The following GRM7 variants were observed in gnomAD, a reference collection of about 807,000 sequenced individuals.
GRM7 encodes glutamate metabotropic receptor 7.
In GRM7, 35 loss-of-function variants were observed where a neutral mutation model predicts 84.5. That is an observed-to-expected ratio of 0.41 (90% CI 0.32 to 0.55). GRM7 has a LOEUF of 0.55. Among genes scored for constraint, GRM7 ranks in the 20% least tolerant of loss-of-function variants. GRM7 has a pLI of 0.19. For missense variants in GRM7, 1,003 were observed against 1,194.6 expected, an observed-to-expected ratio of 0.84 and a Z score of 2.36; for synonymous variants, 487 against 455.1, an observed-to-expected ratio of 1.07 and a Z score of -0.89.
intron 1 of GRM7, among the ~76,000 whole-genome samples, chr3:7,000,434 G>A (rs1227747056): frequency 1.3e-5 from 2 of 152,084 alleles, no homozygotes; most frequent in African/African-American, 4.8e-5. Context: ...TGATCCACCT[G>A]CCTTGACCTT....
intron 7 of GRM7, among the ~76,000 whole-genome samples, chr3:7,517,310 TTGTA>T (rs1700427345): frequency 6.6e-6 from 1 of 152,170 alleles, no homozygotes; most frequent in South Asian, 2.1e-4. Flanking sequence ...CAGAAAATGT[TTGTA>T]TAAATAAACA....
chr3:6,996,522 A>G, intron 1 of GRM7, among the ~76,000 whole-genome samples: 1 of 152,164 alleles, frequency 6.6e-6, no homozygotes, highest in East Asian at 1.9e-4. Flanking sequence ...GGACAATGTC[A>G]TACTATTGGG....
intron 2 of GRM7, among the ~76,000 whole-genome samples, chr3:7,147,235 AC>A (rs1694139117): frequency 6.6e-6 from 1 of 152,204 alleles, no homozygotes; most frequent in South Asian, 2.1e-4. Context: ...GGATTCTCTT[AC>A]GTTTGTTTAT....
intron 2 of GRM7, among the ~76,000 whole-genome samples, chr3:7,293,907 T>G (rs1699725033): frequency 6.6e-6 from 1 of 152,228 alleles, no homozygotes; most frequent in Non-Finnish European, 1.5e-5. Context: ...TGGATTGTCT[T>G]TCCAGCAGGT....
At chr3:7,497,037 C>A (rs1161335619) in intron 7 of GRM7, among the ~76,000 whole-genome samples, 1 of 137,658 alleles carries the variant, frequency 7.3e-6, no homozygotes, top group African/African-American at 2.5e-5. Flanking sequence ...AATAGGAATT[C>A]TGGCCCTTGC....
chr3:6,890,871 G>A, intron 1 of GRM7, among the ~76,000 whole-genome samples: 2 of 152,028 alleles, frequency 1.3e-5, no homozygotes, highest in East Asian at 1.9e-4. Context: ...GAGTCTAAGT[G>A]TCTTTGTAGG....
intron 7 of GRM7, among the ~76,000 whole-genome samples, chr3:7,560,518 C>G (rs374184077): frequency 3.3e-5 from 5 of 151,938 alleles, no homozygotes; most frequent in African/African-American, 1.2e-4. Context: ...AAGTTTGTTC[C>G]CCAGACCAAC....
At chr3:7,170,651 T>C in intron 2 of GRM7, among the ~76,000 whole-genome samples, 1 of 152,102 alleles carries the variant, frequency 6.6e-6, no homozygotes, top group Non-Finnish European at 1.5e-5. Flanking sequence ...TCCTCACACA[T>C]AGAGAGATTA....
intron 1 of GRM7, among the ~76,000 whole-genome samples, chr3:6,946,360 A>G (rs1051147131): frequency 6.6e-6 from 1 of 152,196 alleles, no homozygotes; most frequent in African/African-American, 2.4e-5. Context: ...GTCAAAGATC[A>G]GATAGTTGTA....
chr3:7,169,041 G>A (rs1400163), intron 2 of GRM7, among the ~76,000 whole-genome samples: 66,953 of 151,924 alleles, frequency 0.44, 15,491 homozygotes, highest in East Asian at 0.68. Flanking sequence ...TTCATAAACC[G>A]TAAAGTCAAA....
chr3:7,031,150 TATAACTC>T (rs1696169043), intron 1 of GRM7, among the ~76,000 whole-genome samples: 1 of 152,160 alleles, frequency 6.6e-6, no homozygotes, highest in Non-Finnish European at 1.5e-5. Flanking sequence ...ATTTGCCAAT[TATAACTC>T]AGGATAAAAT....
chr3:7,692,413 T>G (rs162781), intron 9 of GRM7, among the ~76,000 whole-genome samples: 79,747 of 151,898 alleles, frequency 0.53, 22,276 homozygotes, highest in Non-Finnish European at 0.65. Context: ...CTTCAGAAGC[T>G]GGGATCCTAC....
chr3:7,036,365 G>T (rs1482762221), intron 1 of GRM7, among the ~76,000 whole-genome samples: 3 of 152,142 alleles, frequency 2.0e-5, no homozygotes, highest in African/African-American at 7.2e-5. Context: ...CTGGCTTTGT[G>T]GGGTGTGGGG....
In GRM7 at chr3:7,135,941, A is replaced by T. The variant is rs529807049; in HGVS notation, c.520-10511A>T. The stretch of plus-strand genomic sequence containing the variant: ...TTAATGTTTTCTAGAAGACATCTGT[A>T]CTTGAGTCTTCAGTGACAATTATTG... On this transcript the variant is annotated intron_variant, in intron 1 of 9. Transcript: ENST00000357716. Among the ~76,000 whole-genome samples the T allele has an allele frequency of 6.6e-5, 10 of 152,124 alleles. No individual in the cohort carries two copies. In the South Asian group the frequency reaches 1.9e-3, roughly 28 times the overall value.
At chr3:7,315,236 G>C (rs1206519344) in intron 4 of GRM7, among the ~76,000 whole-genome samples, 5 of 152,306 alleles carry the variant, frequency 3.3e-5, no homozygotes, top group Admixed American at 3.3e-4. Flanking sequence ...TGCTTGCCCT[G>C]ACCTAGGTCA....
intron 5 of GRM7, among the ~76,000 whole-genome samples, chr3:7,430,238 T>C (rs778804631): frequency 6.6e-6 from 1 of 152,252 alleles, no homozygotes; most frequent in Non-Finnish European, 1.5e-5. Context: ...TAAGTAGATT[T>C]TGGCCATATT....
rs539307252 is a variant in GRM7, at chr3:7,200,991, A to T, written c.736+54323A>T. ...TTTTTTTTTTTTTTTTTTTTTTGAG[A>T]CACAGTCTCACTCTGTCGCCCAGGC... On this transcript the variant is annotated intron_variant, in intron 2 of 9. Coordinates refer to ENST00000357716, the MANE Select transcript of GRM7 (RefSeq NM_000844.4). Among the ~76,000 whole-genome samples, 15 of 99,244 alleles carry T rather than the reference A, an allele frequency of 1.5e-4. No individual in the cohort carries two copies. In the East Asian group the frequency reaches 3.4e-3, roughly 23 times the overall value. 65.1% of individuals were successfully genotyped at this position (99,244 alleles called of 152,430 possible).
intron 9 of GRM7, among the ~76,000 whole-genome samples, chr3:7,712,485 C>A (rs73023774): frequency 0.044 from 6,731 of 152,062 alleles, 216 homozygotes; most frequent in South Asian, 0.12. Flanking sequence ...CCTCTCCTCC[C>A]ACCCTCACAT....
chr3:7,417,736 C>G (rs1365539831), intron 5 of GRM7, among the ~76,000 whole-genome samples: 1 of 152,118 alleles, frequency 6.6e-6, no homozygotes, highest in African/African-American at 2.4e-5. Context: ...ATAACATTCA[C>G]TCTTAAGATG....
Sources: allele counts gnomAD v4.1 joint callset (sites outside exome capture counted in the v4.1 genomes callset), GRCh38; gene constraint gnomAD v4.1.1; transcripts MANE v1.5; gene names NCBI Gene and HGNC (gene_info 2026-07-23, HGNC 2026-07-21).